DMD: variants seen among roughly 807,000 people sequenced by gnomAD.
DMD encodes the protein dystrophin, also known as mutant dystrophin.
DMD carries 63 observed loss-of-function variants against 330.1 expected under a neutral mutation model. The observed-to-expected ratio is 0.19, with a 90% CI of 0.16 to 0.24. DMD has a LOEUF of 0.24. DMD is among the 10% of genes least tolerant of loss of function. The pLI is 1.00. For synonymous variants in DMD, 1,223 were observed against 959.8 expected, an observed-to-expected ratio of 1.27 and a Z score of -5.07; for missense variants, 3,344 against 2,684.1, an observed-to-expected ratio of 1.25 and a Z score of -5.43.
chrX:32,396,851 T>C (rs1194409951), intron 30 of DMD, among the ~76,000 whole-genome samples: 3 of 111,853 alleles, frequency 2.7e-5, no homozygotes, highest in Middle Eastern at 4.3e-3. Context: ...TTTTAGCTTG[T>C]ACTTAGGATA....
intron 1 of DMD, among the ~76,000 whole-genome samples, chrX:33,337,954 T>C (rs1354496486): frequency 8.9e-6 from 1 of 111,900 alleles, no homozygotes; most frequent in Admixed American, 9.5e-5. Context: ...GATGTACATA[T>C]ATGATAGTCT....
At chrX:33,232,415 T>C (rs1352478347) in intron 1 of DMD, among the ~76,000 whole-genome samples, 1 of 112,097 alleles carries the variant, frequency 8.9e-6, no homozygotes, top group East Asian at 2.8e-4. Context: ...CCAGTAATGT[T>C]ACAAAGGTTC....
At chrX:31,543,603 T>C (rs1376277949) in intron 55 of DMD, among the ~76,000 whole-genome samples, 1 of 112,758 alleles carries the variant, frequency 8.9e-6, no homozygotes, top group African/African-American at 3.2e-5. Context: ...GTTTAAGTCA[T>C]TTTAATAGTC....
At chrX:31,841,087 A>C in intron 48 of DMD, among the ~76,000 whole-genome samples, 1 of 111,952 alleles carries the variant, frequency 8.9e-6, no homozygotes, top group Admixed American at 9.5e-5. Context: ...AATGCAAAGG[A>C]AAAATTCTTG....
intron 54 of DMD, among the ~76,000 whole-genome samples, chrX:31,628,360 G>A (rs890311467): frequency 9.0e-6 from 1 of 110,626 alleles, no homozygotes; most frequent in African/African-American, 3.3e-5. Context: ...AAGGAGAAAA[G>A]TCAAGAAAAT....
rs183285456 is a variant in DMD at position 32,075,038 on chromosome X, C to G, written c.6439-106524G>C. Among the ~76,000 whole-genome samples, 332 of 111,870 alleles carry G rather than the reference C, an allele frequency of 3.0e-3. 1 individual carries two copies. Among genetic ancestry groups the G allele is most frequent in the Middle Eastern group, 4.6e-3 (1 of 218 alleles). ...TTCTGCTTTAAGAGGACATTTGAAT[C>G]GACTGGAGAGGAACAAAGCATTGAA... On this transcript the variant is annotated intron_variant, in intron 44 of 78. Coordinates refer to ENST00000357033, the MANE Select transcript of DMD (RefSeq NM_004006.3).
chrX:31,174,337 G>A (rs2040302119), intron 71 of DMD, among the ~76,000 whole-genome samples: 1 of 111,787 alleles, frequency 8.9e-6, no homozygotes, highest in African/African-American at 3.2e-5. Context: ...AGCAGGAATA[G>A]TCTATATGCT....
intron 29 of DMD, among the ~76,000 whole-genome samples, chrX:32,412,813 T>A (rs769794320): frequency 6.5e-4 from 73 of 111,627 alleles, no homozygotes; most frequent in African/African-American, 2.3e-3. Context: ...CCACAGAGCA[T>A]GACTGAGGTT....
intron 51 of DMD, among the ~76,000 whole-genome samples, chrX:31,762,523 C>T (rs941740641): frequency 2.7e-5 from 3 of 111,491 alleles, no homozygotes; most frequent in African/African-American, 6.5e-5. Flanking sequence ...GAGTCGAGAT[C>T]GCGCCACTGC....
intron 63 of DMD, among the ~76,000 whole-genome samples, chrX:31,246,489 T>C (rs930051154): frequency 1.8e-5 from 2 of 112,474 alleles, no homozygotes; most frequent in African/African-American, 6.5e-5. Flanking sequence ...TATCTAGGAC[T>C]TTCATAGCTC....
At chrX:32,431,318 T>C (rs746253283) in intron 29 of DMD, among the ~76,000 whole-genome samples, 20 of 111,764 alleles carry the variant, frequency 1.8e-4, no homozygotes, top group Non-Finnish European at 3.6e-4. Context: ...CCCTGATGAT[T>C]AATGAGTTTG....
At chrX:32,070,622 T>TATGAATAC (rs1488955582) in intron 44 of DMD, among the ~76,000 whole-genome samples, 1 of 111,188 alleles carries the variant, frequency 9.0e-6, no homozygotes, top group East Asian at 2.8e-4. Context: ...TATATATATA[T>TATGAATAC]ATGAATACTA....
chrX:31,920,774 T>C (rs1569512894), intron 47 of DMD, among the ~76,000 whole-genome samples: 2 of 112,043 alleles, frequency 1.8e-5, no homozygotes, highest in Non-Finnish European at 1.9e-5. Context: ...GTCGAATTTG[T>C]TTTTAGTTGA....
At chrX:32,825,824 C>T (rs1319052864) in intron 4 of DMD, among the ~76,000 whole-genome samples, 3 of 110,966 alleles carry the variant, frequency 2.7e-5, no homozygotes, top group Admixed American at 9.6e-5. Context: ...TAGCCAAATT[C>T]ATAGAGAAAA....
intron 48 of DMD, among the ~76,000 whole-genome samples, chrX:31,839,382 C>G (rs768915864): frequency 8.9e-6 from 1 of 112,039 alleles, no homozygotes; most frequent in Non-Finnish European, 1.9e-5. Context: ...CAAATAAATA[C>G]TGTTGCAACT....
chrX:31,372,699 A>C (rs988499086), intron 60 of DMD, among the ~76,000 whole-genome samples: 5 of 111,693 alleles, frequency 4.5e-5, no homozygotes, highest in East Asian at 5.6e-4. Context: ...ATCTATGACA[A>C]ACCCACAGCC....
intron 1 of DMD, among the ~76,000 whole-genome samples, chrX:33,194,675 A>T (rs1164697507): frequency 9.0e-6 from 1 of 110,908 alleles, no homozygotes; most frequent in Non-Finnish European, 1.9e-5. Context: ...CAGAAACTTA[A>T]TTTTATTATA....
intron 2 of DMD, among the ~76,000 whole-genome samples, chrX:32,887,774 A>C (rs1281623268): frequency 9.7e-6 from 1 of 103,531 alleles, no homozygotes; most frequent in Admixed American, 1.1e-4. Flanking sequence ...AAAAAAAAAA[A>C]AACATCAACT....
At chrX:31,379,180 C>T (rs1302705746) in intron 60 of DMD, among the ~76,000 whole-genome samples, 3 of 110,048 alleles carry the variant, frequency 2.7e-5, no homozygotes, top group African/African-American at 1.0e-4. Context: ...CCTCTCCCCT[C>T]CTCGCCAGGC....
Sources: allele counts gnomAD v4.1 joint callset (sites outside exome capture counted in the v4.1 genomes callset), GRCh38; gene constraint gnomAD v4.1.1; transcripts MANE v1.5; gene names NCBI Gene and HGNC (gene_info 2026-07-23, HGNC 2026-07-21).